The following SHROOM2 variants were observed in gnomAD, a reference collection of about 807,000 sequenced individuals.
SHROOM2 encodes the protein shroom family member 2, also known as protein Shroom2.
SHROOM2 carries 33 observed loss-of-function variants against 75.9 expected under a neutral mutation model. The observed-to-expected ratio is 0.43, with a 90% CI of 0.33 to 0.58. SHROOM2 has a LOEUF of 0.58. SHROOM2 is among the 20% of genes least tolerant of loss of function. The pLI is 0.04. For synonymous variants in SHROOM2, 655 were observed against 663.6 expected (o/e 0.99, Z 0.20); for missense variants, 1,434 against 1,461.2 (o/e 0.98, Z 0.30).
At chrX:9,863,513 G>T (rs1218077617) in intron 1 of SHROOM2, among the ~76,000 whole-genome samples, 2 of 110,889 alleles carry the variant, frequency 1.8e-5, no homozygotes, top group Non-Finnish European at 3.8e-5. Context: ...TGAAACAAGG[G>T]CTAGACCTTT....
At chrX:9,807,470 G>A (rs1360086145) in intron 1 of SHROOM2, among the ~76,000 whole-genome samples, 1 of 111,831 alleles carries the variant, frequency 8.9e-6, no homozygotes, top group African/African-American at 3.3e-5. Context: ...ACAGGCTTCA[G>A]GTGTTTCTAA....
At chrX:9,879,352 C>T (rs749988091) in intron 2 of SHROOM2, among the ~76,000 whole-genome samples, 1 of 112,022 alleles carries the variant, frequency 8.9e-6, no homozygotes, top group African/African-American at 3.2e-5. Context: ...CCTTCGCCAC[C>T]CGGGTTCAAG....
chrX:9,919,752 C>G (rs1466279369), intron 5 of SHROOM2, among the ~76,000 whole-genome samples: 6 of 111,719 alleles, frequency 5.4e-5, no homozygotes, highest in African/African-American at 1.6e-4. Flanking sequence ...CATCTCAACT[C>G]ACTGCAACCC....
chrX:9,895,331 C>T lies in SHROOM2; in HGVS notation c.1423C>T (p.Gln475Ter). ...SCDQKLGSGW[Q>*]GPRPCVQGDL... ...TGACCAGAAGCTGGGGAGCGGCTGG[C>T]AGGGTCCCCGGCCCTGTGTGCAGGG... Residue 475 changes from glutamine (Q) to a stop codon, truncating the protein, a stop_gained, in exon 4 of 10, where the codon CAG becomes TAG. Coordinates refer to ENST00000380913, the MANE Select transcript of SHROOM2 (RefSeq NM_001649.4). LOFTEE classifies it high-confidence loss of function. 2 of 1,173,495 alleles carry T rather than the reference C, an allele frequency of 1.7e-6. No homozygotes were observed. The highest frequency in any genetic ancestry group is 2.3e-6 in the Non-Finnish European group (2 of 876,731).
chrX:9,815,999 C>A (rs778643719), intron 1 of SHROOM2, among the ~76,000 whole-genome samples: 6 of 112,218 alleles, frequency 5.3e-5, no homozygotes, highest in Admixed American at 2.8e-4. Flanking sequence ...TTACTATGTA[C>A]GGATTTGCCT....
At chrX:9,921,466 T>G (rs1437748167) in intron 5 of SHROOM2, among the ~76,000 whole-genome samples, 2 of 110,870 alleles carry the variant, frequency 1.8e-5, no homozygotes, top group Admixed American at 9.6e-5. Context: ...CCTCTTTTTT[T>G]TTGTTGTCAT....
chrX:9,842,546 G>A (rs772160172), intron 1 of SHROOM2, among the ~76,000 whole-genome samples: 3 of 112,485 alleles, frequency 2.7e-5, no homozygotes, highest in South Asian at 3.7e-4. Flanking sequence ...GGTGGGCTCC[G>A]CAGGTGCCTC....
rs150343363 is a variant in SHROOM2 at position 9,880,598 on chromosome X, G to A, written c.317+6795G>A. Among the ~76,000 whole-genome samples, 200 of 112,601 alleles carry A rather than the reference G, an allele frequency of 1.8e-3. 1 individual carries two copies. The highest frequency in any genetic ancestry group is 6.2e-3 in the African/African-American group (193 of 31,075). On this transcript the variant is annotated intron_variant, in intron 2 of 9. Transcript: ENST00000380913. ...TTCTTAGAACTGTCACCTCAAGCCC[G>A]GTTACCACTAACACCCATTGGTTCC...
intron 6 of SHROOM2, among the ~76,000 whole-genome samples, chrX:9,935,687 G>A (rs2084696658): frequency 9.0e-6 from 1 of 111,538 alleles, no homozygotes; most frequent in Non-Finnish European, 1.9e-5. Flanking sequence ...TAGGGAAAGA[G>A]CCCTCCTGCA....
chrX:9,925,184 T>G (rs2084582814), intron 5 of SHROOM2, among the ~76,000 whole-genome samples: 1 of 111,442 alleles, frequency 9.0e-6, no homozygotes, highest in Non-Finnish European at 1.9e-5. Context: ...TCCCCAAGGG[T>G]GTGTGTCTGT....
chrX:9,866,686 G>C (rs755985906), intron 1 of SHROOM2, among the ~76,000 whole-genome samples: 24 of 111,521 alleles, frequency 2.2e-4, no homozygotes, highest in South Asian at 1.9e-3. Context: ...GTGACTATAA[G>C]ACGAGTCTTC....
At chrX:9,883,266 G>A (rs1428834560) in intron 2 of SHROOM2, among the ~76,000 whole-genome samples, 1 of 112,240 alleles carries the variant, frequency 8.9e-6, no homozygotes. Flanking sequence ...GGCCAGCGGA[G>A]CGATCCTTTG....
rs373429063 is a variant in SHROOM2, at chrX:9,894,728, G to A, written c.820G>A (p.Gly274Ser). Residue 274 changes from glycine to serine, a missense_variant, in exon 4 of 10, where the codon GGT becomes AGT. Around this residue, in one of 3 missense-constraint regions of SHROOM2, gnomAD observed 1,340 missense variants for 1,338.3 expected, o/e 1.00. Transcript: ENST00000380913. ...CAGTTGTTTCCCGCCCAGGGTCCCC[G>A]GTGACAGCGGCAAAGGCCCCAGGCC... ...KLSCFPPRVP[G>S]DSGKGPRPEY... 71 of 1,209,785 alleles carry A rather than the reference G, an allele frequency of 5.9e-5. No individual in the cohort carries two copies. In the East Asian group the frequency reaches 1.2e-3, roughly 21 times the overall value.
At chrX:9,898,066 T>C in intron 4 of SHROOM2, 124 bp from the exon 5 acceptor site, 1 of 559,489 alleles carries the variant, frequency 1.8e-6, no homozygotes, top group Non-Finnish European at 3.1e-6. Context: ...TTCAGTCATC[T>C]CAATGAAATG....
At chrX:9,945,299 T>C (rs900257377) in intron 9 of SHROOM2, among the ~76,000 whole-genome samples, 8 of 110,017 alleles carry the variant, frequency 7.3e-5, no homozygotes, top group African/African-American at 2.7e-4. Context: ...TTGGTAGAGA[T>C]GGGATTTCAC....
chrX:9,910,431 C>T (rs548158742), intron 5 of SHROOM2, among the ~76,000 whole-genome samples: 171 of 110,550 alleles, frequency 1.5e-3, no homozygotes, highest in African/African-American at 5.2e-3. Context: ...GCTGGCCAGG[C>T]GCAATGGGTC....
intron 2 of SHROOM2, among the ~76,000 whole-genome samples, chrX:9,883,021 C>T (rs1223928815): frequency 3.6e-5 from 4 of 112,288 alleles, no homozygotes; most frequent in Admixed American, 1.9e-4. Flanking sequence ...CTTTAGGGGG[C>T]GACTTTTCTT....
intron 5 of SHROOM2, among the ~76,000 whole-genome samples, chrX:9,903,553 T>A (rs969971064): frequency 1.6e-4 from 18 of 111,203 alleles, no homozygotes; most frequent in Non-Finnish European, 3.4e-4. Context: ...TTTTTTGATG[T>A]TGTTTTTTGA....
intron 2 of SHROOM2, among the ~76,000 whole-genome samples, chrX:9,875,171 C>T (rs915295362): frequency 1.1e-5 from 1 of 94,740 alleles, no homozygotes; most frequent in Non-Finnish European, 2.1e-5. Context: ...GTAAGTGGTA[C>T]ATGCTATTCC....
Sources: gnomAD v4.1 joint callset for allele counts (sites outside exome capture counted in the v4.1 genomes callset) on GRCh38, gnomAD v4.1.1 for gene constraint, gnomAD v4.1.1 regional missense constraint, MANE v1.5 for transcripts, NCBI Gene and HGNC (gene_info 2026-07-23, HGNC 2026-07-21) for gene names.